Variants in DDAH1 observed in about 807,000 individuals in gnomAD.
DDAH1 encodes N(G),N(G)-dimethylarginine dimethylaminohydrolase 1.
DDAH1 carries 19 observed loss-of-function variants against 28.8 expected under a neutral mutation model. The ratio of observed to expected loss-of-function variants is 0.66; its 90% CI spans 0.46 to 0.97. DDAH1 has a LOEUF of 0.97. Ranked by LOEUF, DDAH1 falls within the 50% of genes least tolerant of loss-of-function variation. The probability of loss-of-function intolerance (pLI) is 0.00; values close to 1 mark genes in which losing one functional copy is unlikely to be tolerated. For missense variants in DDAH1, 326 were observed against 375.9 expected (o/e 0.87, Z 1.10); for synonymous variants, 153 against 154.4 (o/e 0.99, Z 0.07).
intron 1 of DDAH1, among the ~76,000 whole-genome samples, chr1:85,384,933 T>G (rs1570465856): frequency 1.3e-5 from 2 of 152,332 alleles, no homozygotes; most frequent in East Asian, 3.9e-4. Flanking sequence ...TGCTAAGCTC[T>G]GATACAACCT....
intron 2 of DDAH1, chr1:85,482,142 A>C (rs758292418): frequency 1.2e-4 from 19 of 152,172 alleles, no homozygotes; most frequent in Non-Finnish European, 2.4e-4. Flanking sequence ...AATTGACCTA[A>C]TGTAACCTAC....
intron 1 of DDAH1, among the ~76,000 whole-genome samples, chr1:85,377,500 A>G (rs1650734676): frequency 6.6e-6 from 1 of 152,118 alleles, no homozygotes; most frequent in Non-Finnish European, 1.5e-5. Context: ...GGCACTGAAA[A>G]ACAAGAGTGA....
chr1:85,428,453 T>C (rs1200140077), intron 1 of DDAH1, among the ~76,000 whole-genome samples: 3 of 152,070 alleles, frequency 2.0e-5, no homozygotes, highest in Admixed American at 2.0e-4. Flanking sequence ...GAGAACAGCA[T>C]GGGAAAGATT....
At chr1:85,523,957 T>C (rs1262892034) in intron 1 of DDAH1, among the ~76,000 whole-genome samples, 1 of 151,948 alleles carries the variant, frequency 6.6e-6, no homozygotes, top group Non-Finnish European at 1.5e-5. Context: ...TATCCATTCA[T>C]TGAACATTCA....
chr1:85,507,527 T>TAAATAAATAAATAAATAAACAAAC (rs71075841), intron 1 of DDAH1, among the ~76,000 whole-genome samples: 14,993 of 148,996 alleles, frequency 0.1, 859 homozygotes, highest in Admixed American at 0.14. Context: ...AATAAATAAA[T>TAAATAAATAAATAAATAAACAAAC]AAACAAACAA....
rs192878912 is a variant in DDAH1, at chr1:85,390,107, C to A, written c.304-31260G>T. Among the ~76,000 whole-genome samples, 10 of 152,280 alleles carry A rather than the reference C, an allele frequency of 6.6e-5. No homozygotes were observed. The East Asian group carries it at 1.9e-3, about 29-fold the overall frequency. On this transcript the variant is annotated intron_variant, in intron 1 of 5. Coordinates refer to ENST00000284031, the MANE Select transcript of DDAH1 (RefSeq NM_012137.4). ...CTTTCTATGTTAAGTCAAGCCCAGTCCTGCCTCAGTGTCCTCACCCTATTT... is the reference window on the plus strand; with the variant it reads ...CTTTCTATGTTAAGTCAAGCCCAGTACTGCCTCAGTGTCCTCACCCTATTT...
At chr1:85,327,775 A>T (rs530700594) in intron 4 of DDAH1, among the ~76,000 whole-genome samples, 23 of 152,168 alleles carry the variant, frequency 1.5e-4, no homozygotes, top group South Asian at 4.1e-4. Flanking sequence ...AAGATTATTT[A>T]AAAAAAACCC....
At chr1:85,324,655 G>A (rs1450382586) in intron 5 of DDAH1, 85 bp downstream of exon 5, 1 of 1,461,448 alleles carries the variant, frequency 6.8e-7, no homozygotes, top group East Asian at 2.3e-5. Flanking sequence ...TACAGGAAAA[G>A]GAGGCTCCTA....
At chr1:85,571,264 A>G (rs752818978) in intron 1 of DDAH1, among the ~76,000 whole-genome samples, 3 of 152,216 alleles carry the variant, frequency 2.0e-5, no homozygotes, top group Non-Finnish European at 4.4e-5. Context: ...AATGCATTTT[A>G]AGAGGCTCAC....
At chr1:85,369,829 G>A (rs1650281117) in intron 1 of DDAH1, among the ~76,000 whole-genome samples, 1 of 152,122 alleles carries the variant, frequency 6.6e-6, no homozygotes, top group Non-Finnish European at 1.5e-5. Context: ...ACTGTAGTTT[G>A]GAAGGTCAGG....
chr1:85,448,719 T>C lies in DDAH1; in HGVS notation c.303+16024A>G, dbSNP rs184229505. Among the ~76,000 whole-genome samples, 5 of 152,346 alleles carry C rather than the reference T, an allele frequency of 3.3e-5. No individual in the cohort carries two copies. The East Asian group carries it at 9.6e-4, about 29-fold the overall frequency. On this transcript the variant is annotated intron_variant, in intron 1 of 5. Coordinates refer to ENST00000284031, the MANE Select transcript of DDAH1 (RefSeq NM_012137.4). ...GAATTACAATAATGTGAATAATTTT[T>C]CTTTTATAAAAAAACCCCACGAAAC...
chr1:85,453,961 C>T (rs910707966), intron 1 of DDAH1, among the ~76,000 whole-genome samples: 5 of 152,108 alleles, frequency 3.3e-5, no homozygotes, highest in African/African-American at 1.2e-4. Flanking sequence ...TGCTGAGTTT[C>T]GGTCCCTACC....
chr1:85,430,991 C>T (rs1653659444), intron 1 of DDAH1, among the ~76,000 whole-genome samples: 1 of 152,128 alleles, frequency 6.6e-6, no homozygotes, highest in African/African-American at 2.4e-5. Flanking sequence ...GGAATGCTTC[C>T]AGCTTTTACC....
At chr1:85,550,537 A>G (rs1471456037) in intron 1 of DDAH1, among the ~76,000 whole-genome samples, 1 of 152,244 alleles carries the variant, frequency 6.6e-6, no homozygotes, top group African/African-American at 2.4e-5. Context: ...TGAATTGCCC[A>G]TAATCGGTAT....
chr1:85,547,881 A>G (rs988826530), intron 1 of DDAH1, among the ~76,000 whole-genome samples: 7 of 152,240 alleles, frequency 4.6e-5, no homozygotes, highest in Admixed American at 4.6e-4. Flanking sequence ...AAACACAGGA[A>G]TAACAGAACA....
chr1:85,325,367 G>GCGCGCA lies in DDAH1; in HGVS notation c.598-485_598-484insTGCGCG, dbSNP rs1553121790. ...CATGCACGTGCGTGCGCGCGCGCGC[G>GCGCGCA]CACACACACACGCTTTGCTCTTCCA... On this transcript the variant is annotated intron_variant, in intron 4 of 5. Transcript: ENST00000284031. Among the ~76,000 whole-genome samples, 3 of 143,912 alleles carry GCGCGCA rather than the reference G, an allele frequency of 2.1e-5. No homozygotes were observed. In the South Asian group the frequency reaches 6.8e-4, roughly 33 times the overall value. The allele number at this position is 143,912 out of a possible 152,430, so 94.4% of individuals were successfully genotyped here. A position where few individuals can be genotyped will look rare whatever the true frequency, so the allele number is the denominator to read the frequency against.
At chr1:85,409,703 C>T (rs1468416880) in intron 1 of DDAH1, among the ~76,000 whole-genome samples, 1 of 152,140 alleles carries the variant, frequency 6.6e-6, no homozygotes, top group Non-Finnish European at 1.5e-5. Context: ...AAGCAGGTTG[C>T]ATTCACCTCT....
chr1:85,373,167 G>A (rs920497407), intron 1 of DDAH1, among the ~76,000 whole-genome samples: 1 of 152,070 alleles, frequency 6.6e-6, no homozygotes, highest in African/African-American at 2.4e-5. Context: ...TCTTATTGAC[G>A]TTATATAGTT....
chr1:85,391,169 C>T (rs1304590553), intron 1 of DDAH1, among the ~76,000 whole-genome samples: 1 of 152,206 alleles, frequency 6.6e-6, no homozygotes, highest in Non-Finnish European at 1.5e-5. Context: ...TCTGAAAACA[C>T]AATTAAATGC....
Sources: gnomAD v4.1 joint callset for allele counts (sites outside exome capture counted in the v4.1 genomes callset) on GRCh38, gnomAD v4.1.1 for gene constraint, MANE v1.5 for transcripts, NCBI Gene and HGNC (gene_info 2026-07-23, HGNC 2026-07-21) for gene names.